The following TTC29 variants were observed in gnomAD, a reference collection of about 807,000 sequenced individuals.
The protein encoded by TTC29 is tetratricopeptide repeat domain 29.
A neutral mutation model predicts 58.1 loss-of-function variants in TTC29; 49 were observed. The observed-to-expected ratio is 0.84, with a 90% CI of 0.67 to 1.07. The LOEUF is 1.07. Ranked by LOEUF, TTC29 falls within the 50% of genes least tolerant of loss-of-function variation. The pLI, the probability that TTC29 is intolerant of heterozygous loss-of-function variation, is 0.00. For missense variants in TTC29, 582 were observed against 555.6 expected (o/e 1.05, Z -0.48); for synonymous variants, 209 against 196.8 (o/e 1.06, Z -0.52).
chr4:146,837,872 A>C (rs1431399210), intron 8 of TTC29, among the ~76,000 whole-genome samples: 1 of 152,002 alleles, frequency 6.6e-6, no homozygotes. Flanking sequence ...CTATTTTTAA[A>C]GTTCATGGGA....
intron 11 of TTC29, among the ~76,000 whole-genome samples, chr4:146,711,932 A>C (rs750403035): frequency 1.3e-5 from 2 of 152,138 alleles, no homozygotes; most frequent in Non-Finnish European, 2.9e-5. Flanking sequence ...AAGAGAACGA[A>C]GTTCTGTTTG....
chr4:146,903,311 T>A (rs17656358), intron 6 of TTC29, among the ~76,000 whole-genome samples: 1 of 151,836 alleles, frequency 6.6e-6, no homozygotes, highest in Non-Finnish European at 1.5e-5. Flanking sequence ...GGGTGGGAAC[T>A]GTAGGCTGAG....
At chr4:146,920,964 A>G (rs1734537457) in intron 4 of TTC29, among the ~76,000 whole-genome samples, 1 of 151,354 alleles carries the variant, frequency 6.6e-6, no homozygotes, top group Non-Finnish European at 1.5e-5. Flanking sequence ...GACTCAACAT[A>G]TTTTGATTTT....
intron 2 of TTC29, chr4:146,942,603 C>A (rs562050500): frequency 1.3e-6 from 2 of 1,533,632 alleles, no homozygotes; most frequent in South Asian, 2.4e-5. Flanking sequence ...GCTGTGAAGA[C>A]TTTTCCACAG....
chr4:146,848,550 G>C (rs1258543852), intron 8 of TTC29, among the ~76,000 whole-genome samples: 1 of 152,156 alleles, frequency 6.6e-6, no homozygotes, highest in Non-Finnish European at 1.5e-5. Context: ...CAATGCCTTT[G>C]ATCAGCTCTG....
At chr4:146,797,005 A>G (rs1363479221) in intron 11 of TTC29, among the ~76,000 whole-genome samples, 1 of 152,146 alleles carries the variant, frequency 6.6e-6, no homozygotes, top group South Asian at 2.1e-4. Flanking sequence ...TCTAAGAAAA[A>G]AAAAGGTCAA....
intron 11 of TTC29, among the ~76,000 whole-genome samples, chr4:146,782,262 T>C (rs1050324344): frequency 4.0e-5 from 6 of 151,762 alleles, no homozygotes; most frequent in African/African-American, 1.4e-4. Context: ...CCTTCTCTGA[T>C]AACTTTGTGC....
intron 8 of TTC29, among the ~76,000 whole-genome samples, chr4:146,843,048 G>T (rs1325614459): frequency 1.3e-5 from 2 of 152,110 alleles, no homozygotes; most frequent in Non-Finnish European, 2.9e-5. Flanking sequence ...GGAATCAGTG[G>T]CTAATGATTT....
rs531502475 is a variant in TTC29, at chr4:146,879,050, C to T, written c.587-4122G>A. Among the ~76,000 whole-genome samples, 3 of 152,172 alleles carry T rather than the reference C, an allele frequency of 2.0e-5. No individual in the cohort carries two copies. The South Asian group carries it at 6.2e-4, about 32-fold the overall frequency. On this transcript the variant is annotated intron_variant, in intron 6 of 12. Coordinates refer to ENST00000325106, the MANE Select transcript of TTC29 (RefSeq NM_031956.4). Reference sequence around the variant, plus strand: ...AATGGAGGTCCCTACTACACAGAAGCAGTTTTCCAGTCCTTCTCATATGTA... The same window carrying T: ...AATGGAGGTCCCTACTACACAGAAGTAGTTTTCCAGTCCTTCTCATATGTA...
At chr4:146,807,548 T>A (rs1028016952) in intron 10 of TTC29, among the ~76,000 whole-genome samples, 1 of 151,970 alleles carries the variant, frequency 6.6e-6, no homozygotes, top group Non-Finnish European at 1.5e-5. Context: ...CAAAAAATGA[T>A]AAAGGGGATA....
At chr4:146,745,585 T>C (rs892223869) in intron 11 of TTC29, among the ~76,000 whole-genome samples, 10 of 152,236 alleles carry the variant, frequency 6.6e-5, no homozygotes, top group African/African-American at 2.2e-4. Context: ...TTTAGCTATA[T>C]AGCCAAGCTT....
intron 11 of TTC29, among the ~76,000 whole-genome samples, chr4:146,748,022 C>T (rs1199276976): frequency 6.6e-6 from 1 of 152,218 alleles, no homozygotes; most frequent in Non-Finnish European, 1.5e-5. Flanking sequence ...GCTTCTGCAT[C>T]TGCCTCACAG....
At chr4:146,821,919 C>CTTG (rs1277496706) in intron 9 of TTC29, among the ~76,000 whole-genome samples, 1 of 149,756 alleles carries the variant, frequency 6.7e-6, no homozygotes, top group African/African-American at 2.5e-5. Context: ...CAGGTACTGA[C>CTTG]TTGTATACAG....
At chr4:146,728,818 TATATATACATATATATACAC>T (rs1744054244) in intron 11 of TTC29, among the ~76,000 whole-genome samples, 3 of 116,894 alleles carry the variant, frequency 2.6e-5, no homozygotes, top group East Asian at 4.9e-4. Flanking sequence ...TATATATGTG[TATATATACATATATATACAC>T]ATATATATGT....
chr4:146,939,984 G>C (rs1215932492), intron 2 of TTC29, 83 bp from the exon 3 acceptor site: 3 of 1,343,942 alleles, frequency 2.2e-6, no homozygotes, highest in Non-Finnish European at 2.0e-6. Context: ...GAGATTTACA[G>C]TCTGTCATCT....
chr4:146,810,071 T>G (rs2150127185), intron 10 of TTC29, among the ~76,000 whole-genome samples: 1 of 152,310 alleles, frequency 6.6e-6, no homozygotes, highest in Middle Eastern at 3.4e-3. Context: ...CACCATGGAA[T>G]ACTATGCAGC....
chr4:146,796,009 C>T (rs892374431), intron 11 of TTC29, among the ~76,000 whole-genome samples: 5 of 152,140 alleles, frequency 3.3e-5, no homozygotes, highest in African/African-American at 7.2e-5. Context: ...GATTCACTCT[C>T]GTTTTGCTAT....
intron 10 of TTC29, among the ~76,000 whole-genome samples, chr4:146,811,456 T>C (rs989583889): frequency 1.3e-5 from 2 of 152,126 alleles, no homozygotes; most frequent in Admixed American, 1.3e-4. Context: ...AAAATTTCCT[T>C]TCTTCACTGA....
At chr4:146,879,130 G>T (rs941250978) in intron 6 of TTC29, among the ~76,000 whole-genome samples, 4 of 152,094 alleles carry the variant, frequency 2.6e-5, no homozygotes, top group Non-Finnish European at 5.9e-5. Context: ...AAGAAGATAA[G>T]CCAGCAAAGA....
Sources: gnomAD v4.1 joint callset for allele counts (sites outside exome capture counted in the v4.1 genomes callset) on GRCh38, gnomAD v4.1.1 for gene constraint, MANE v1.5 for transcripts, NCBI Gene and HGNC (gene_info 2026-07-23, HGNC 2026-07-21) for gene names.